Variants in MTF1 observed in about 807,000 individuals in gnomAD.
MTF1 encodes metal regulatory transcription factor 1.
Under a neutral mutation model 70.4 loss-of-function variants are expected in MTF1, and 22 were observed. The ratio of observed to expected loss-of-function variants is 0.31; its 90% confidence interval spans 0.22 to 0.45. MTF1 has a LOEUF of 0.45. Among genes scored for constraint, MTF1 ranks in the 20% least tolerant of loss-of-function variants. MTF1 has a pLI of 1.00. For missense variants in MTF1, 649 were observed against 922.0 expected (o/e 0.70, Z 3.83); for synonymous variants, 333 against 352.8 (o/e 0.94, Z 0.63).
intron 2 of MTF1, among the ~76,000 whole-genome samples, chr1:37,843,403 G>T (rs1641285587): frequency 6.6e-6 from 1 of 152,152 alleles, no homozygotes; most frequent in South Asian, 2.1e-4. Flanking sequence ...ATAAAGAAGA[G>T]CAAGATTTAA....
rs932610769 is a variant in MTF1, at chr1:37,857,203, G to C, written c.408+48C>G. ...AAAATTTGCACCAAGAATTTTGTAA[G>C]GACTTGCCCCAAAACCAAACTAGGC... On this transcript the variant is annotated intron_variant, in intron 2 of 10. Coordinates refer to ENST00000373036, the MANE Select transcript of MTF1 (RefSeq NM_005955.3). 5 of 1,565,306 alleles carry C rather than the reference G, an allele frequency of 3.2e-6. No homozygotes were observed. The African/African-American group carries it at 5.4e-5, about 17-fold the overall frequency.
intron 2 of MTF1, among the ~76,000 whole-genome samples, chr1:37,856,546 C>A (rs548306100): frequency 6.9e-6 from 1 of 145,540 alleles, no homozygotes; most frequent in Admixed American, 7.1e-5. Flanking sequence ...ATCGCCCAGG[C>A]TGGAGTACAG....
At chr1:37,854,527 A>C (rs1416798504) in intron 2 of MTF1, among the ~76,000 whole-genome samples, 2 of 152,234 alleles carry the variant, frequency 1.3e-5, no homozygotes, top group African/African-American at 4.8e-5. Context: ...TCGCCTCCAC[A>C]GTATGACAAT....
chr1:37,856,971 GA>G (rs1428724561), intron 2 of MTF1, among the ~76,000 whole-genome samples: 1 of 152,166 alleles, frequency 6.6e-6, no homozygotes, highest in Non-Finnish European at 1.5e-5. Context: ...TTTAGCACCA[GA>G]AACATGGGTC....
At chr1:37,838,231 C>T (rs965425917) in intron 4 of MTF1, among the ~76,000 whole-genome samples, 11 of 152,206 alleles carry the variant, frequency 7.2e-5, no homozygotes, top group African/African-American at 2.7e-4. Context: ...GGGCTTAAGG[C>T]ACTTTGGCCA....
At chr1:37,823,508 A>C (rs141079894) in intron 8 of MTF1, among the ~76,000 whole-genome samples, 114 of 152,304 alleles carry the variant, frequency 7.5e-4, no homozygotes, top group Non-Finnish European at 1.5e-3. Context: ...TACAGCCAAC[A>C]GAAGATTCTG....
chr1:37,823,654 G>A, intron 8 of MTF1, 56 bp downstream of exon 8: 2 of 1,278,630 alleles, frequency 1.6e-6, no homozygotes, highest in Non-Finnish European at 2.3e-6. Flanking sequence ...TTGTGCCTGT[G>A]ACTCAGTGTG....
At position 37,811,221 on chromosome 1, in the gene MTF1, A is replaced by G. The variant is rs1289039293; in HGVS notation, c.*3915T>C. The G allele has an allele frequency of 2.0e-5, 3 of 152,756 alleles. No homozygotes were observed. The highest frequency in any genetic ancestry group is 7.2e-5 in the African/African-American group (3 of 41,486). 9.5% of individuals were successfully genotyped at this position (152,756 alleles called of 1,614,324 possible). ...ACAGTCAGCAGAAAACAGGACCCACAGCAGTTCTTCAGAGAGCCTGAGGGG... is the reference window on the plus strand; with the variant it reads ...ACAGTCAGCAGAAAACAGGACCCACGGCAGTTCTTCAGAGAGCCTGAGGGG... On this transcript the variant is annotated 3_prime_UTR_variant, in exon 11 of 11. Coordinates refer to ENST00000373036, the MANE Select transcript of MTF1 (RefSeq NM_005955.3).
At chr1:37,848,926 G>A (rs890668986) in intron 2 of MTF1, among the ~76,000 whole-genome samples, 4 of 152,162 alleles carry the variant, frequency 2.6e-5, no homozygotes, top group Admixed American at 2.0e-4. Context: ...ACTGCCTGAG[G>A]AATTTATAAT....
chr1:37,853,444 A>C (rs1191569578), intron 2 of MTF1, among the ~76,000 whole-genome samples: 1 of 152,162 alleles, frequency 6.6e-6, no homozygotes, highest in Non-Finnish European at 1.5e-5. Flanking sequence ...TTCATTCTTT[A>C]TGTATTGTCT....
chr1:37,823,901 TG>T, intron 7 of MTF1, 89 bp from the exon 8 acceptor site: 1 of 951,288 alleles, frequency 1.1e-6, no homozygotes, highest in South Asian at 1.4e-5. Context: ...AGAACTAGAA[TG>T]AAAATCTTTT....
chr1:37,842,124 C>T, intron 2 of MTF1, among the ~76,000 whole-genome samples: 1 of 151,882 alleles, frequency 6.6e-6, no homozygotes, highest in East Asian at 1.9e-4. Context: ...AAAAGTTAGC[C>T]AGGCGTGGTG....
In MTF1 at chr1:37,822,976, G is replaced by C. The variant is rs1392418991; in HGVS notation, c.1172-260C>G. Among the ~76,000 whole-genome samples the C allele has an allele frequency of 1.3e-5, 2 of 152,144 alleles. 1 individual carries two copies. The highest frequency in any genetic ancestry group is 4.8e-5 in the African/African-American group (2 of 41,434). On this transcript the variant is annotated intron_variant, in intron 8 of 10. Coordinates refer to ENST00000373036, the MANE Select transcript of MTF1 (RefSeq NM_005955.3). Reference sequence around the variant, plus strand: ...AAAAAAGTGTCTTAAGGCTTTTCTGGAAAAGAGACTAAACATCCTTTTTTT... The same window carrying C: ...AAAAAAGTGTCTTAAGGCTTTTCTGCAAAAGAGACTAAACATCCTTTTTTT...
At chr1:37,828,338 C>T (rs369008372) in intron 7 of MTF1, 4 of 366,110 alleles carry the variant, frequency 1.1e-5, no homozygotes, top group East Asian at 9.0e-5. Context: ...GAGTTTCGCT[C>T]TTGTCACCCA....
At chr1:37,826,805 C>A (rs374382577) in intron 7 of MTF1, among the ~76,000 whole-genome samples, 1 of 152,076 alleles carries the variant, frequency 6.6e-6, no homozygotes, top group South Asian at 2.1e-4. Context: ...ACAGTGAAAC[C>A]CCGTCTCTAC....
intron 2 of MTF1, among the ~76,000 whole-genome samples, chr1:37,852,680 G>C (rs1641434598): frequency 6.6e-6 from 1 of 151,706 alleles, no homozygotes; most frequent in Admixed American, 6.6e-5. Flanking sequence ...GCCCAGGCTG[G>C]AATGCAGTGG....
At chr1:37,820,115 T>C (rs1640888729) in intron 9 of MTF1, among the ~76,000 whole-genome samples, 1 of 152,114 alleles carries the variant, frequency 6.6e-6, no homozygotes, top group South Asian at 2.1e-4. Context: ...GGAAAGCCCT[T>C]TCCAATGACT....
intron 3 of MTF1, among the ~76,000 whole-genome samples, chr1:37,839,469 T>G (rs1473006485): frequency 6.6e-6 from 1 of 152,224 alleles, no homozygotes; most frequent in Non-Finnish European, 1.5e-5. Flanking sequence ...TGAAGACTAT[T>G]AAGTCTCCTG....
intron 2 of MTF1, among the ~76,000 whole-genome samples, chr1:37,853,881 C>T (rs533494821): frequency 6.6e-6 from 1 of 152,346 alleles, no homozygotes; most frequent in South Asian, 2.1e-4. Context: ...CTACCACAAT[C>T]ATTTGCAACA....
Sources: gnomAD v4.1 joint callset for allele counts (sites outside exome capture counted in the v4.1 genomes callset) on GRCh38, gnomAD v4.1.1 for gene constraint, MANE v1.5 for transcripts, NCBI Gene and HGNC (gene_info 2026-07-23, HGNC 2026-07-21) for gene names.